The following CCDC62 variants were observed in gnomAD, a reference collection of about 807,000 sequenced individuals.
The protein encoded by CCDC62 is coiled-coil domain-containing protein 62.
Under a neutral mutation model 80.8 loss-of-function variants are expected in CCDC62, and 72 were observed. That is an observed-to-expected ratio of 0.89 (90% CI 0.74 to 1.08). The LOEUF is 1.08. Among genes scored for constraint, CCDC62 ranks in the 50% least tolerant of loss-of-function variants. The pLI, the probability that CCDC62 is intolerant of heterozygous loss-of-function variation, is 0.00. For missense variants in CCDC62, 704 were observed against 809.4 expected (o/e 0.87, Z 1.58); for synonymous variants, 286 against 296.5 (o/e 0.96, Z 0.36).
rs143639403 is a variant in CCDC62, at chr12:122,817,311, C to T, written c.2001+3892C>T. Among the ~76,000 whole-genome samples, 965 of 151,642 alleles carry T rather than the reference C, an allele frequency of 6.4e-3. 14 individuals are homozygous for T. Among genetic ancestry groups the T allele is most frequent in the African/African-American group, 0.022 (916 of 41,282 alleles). On this transcript the variant is annotated intron_variant, in intron 11 of 12. Transcript: ENST00000253079. Reference sequence around the variant, plus strand: ...TCCTGACCTTGTGATCCACCCGCCTCGGCCTCCCAAAGTGCTGGGATTACA... The same window carrying T: ...TCCTGACCTTGTGATCCACCCGCCTTGGCCTCCCAAAGTGCTGGGATTACA...
rs1298796695 is a variant in CCDC62, at chr12:122,774,681, C to T, written c.11C>T (p.Pro4Leu). MNP[P>L]AAFLAGRQNI... The stretch of plus-strand genomic sequence containing the variant: ...GCGGAGGAAACACCTATGAACCCTC[C>T]GGCAGCCTTCCTTGCCGGGCGCCAG... Residue 4 changes from proline (P) to leucine (L), a missense_variant, in exon 1 of 13, where the codon CCG becomes CTG. Physicochemically the swap from Pro to Leu is moderately conservative, Grantham distance 98. Transcript: ENST00000253079. 4 of 1,256,066 alleles carry T rather than the reference C, an allele frequency of 3.2e-6. No homozygotes were observed. The highest frequency in any genetic ancestry group is 4.0e-6 in the Non-Finnish European group (4 of 991,426). The allele number at this position is 1,256,066 out of a possible 1,614,324, so 77.8% of individuals were successfully genotyped here.
In CCDC62 at chr12:122,806,164, A is replaced by G; in HGVS notation, c.1720A>G (p.Ile574Val). 4 of 1,612,510 alleles carry G rather than the reference A, an allele frequency of 2.5e-6. No individual in the cohort carries two copies. Among genetic ancestry groups the G allele is most frequent in the Non-Finnish European group, 3.4e-6 (4 of 1,179,302 alleles). The change falls in exon 10 of 13, where the codon ATC (isoleucine) becomes GTC (valine). Residue 574 changes from isoleucine to valine, a missense_variant. Coordinates refer to ENST00000253079, the MANE Select transcript of CCDC62 (RefSeq NM_201435.5). ...HDSPASELIA[I>V]QDSHSLGSSK... is the part of the protein sequence containing the mutation. ...TCTTATTCTTAGTGAGCTAATTGCCATCCAAGATTCCCACTCTTTGGGTTC... is the reference window on the plus strand; with the variant it reads ...TCTTATTCTTAGTGAGCTAATTGCCGTCCAAGATTCCCACTCTTTGGGTTC...
chr12:122,790,289 T>C (rs554673033), intron 5 of CCDC62, among the ~76,000 whole-genome samples: 1 of 152,072 alleles, frequency 6.6e-6, no homozygotes, highest in Non-Finnish European at 1.5e-5. Context: ...GAGCTTGTGA[T>C]CCACCTGCCT....
At chr12:122,777,743 C>A in intron 2 of CCDC62, 60 bp downstream of exon 2, 2 of 1,468,300 alleles carry the variant, frequency 1.4e-6, no homozygotes, top group South Asian at 1.2e-5. Flanking sequence ...CATTGATGGG[C>A]TCATAGGGAA....
intron 1 of CCDC62, chr12:122,776,780 CAG>C (rs745783085): frequency 1.6e-4 from 24 of 146,964 alleles, no homozygotes; most frequent in Admixed American, 1.6e-3. Flanking sequence ...TACATTTAAA[CAG>C]TAACTATTTC....
chr12:122,817,547 C>T lies in CCDC62; in HGVS notation c.2001+4128C>T, dbSNP rs192854299. ...CCATGTTGGCCAGGCTGGTCTCAAA[C>T]TCCTGACCTCAAGTGATCCTCCCAA... On this transcript the variant is annotated intron_variant, in intron 11 of 12. Coordinates refer to ENST00000253079, the MANE Select transcript of CCDC62 (RefSeq NM_201435.5). Among the ~76,000 whole-genome samples, 167 of 151,568 alleles carry T rather than the reference C, an allele frequency of 1.1e-3. 1 individual carries two copies. Among genetic ancestry groups the T allele is most frequent in the African/African-American group, 3.7e-3 (151 of 41,302 alleles).
In CCDC62 at chr12:122,787,208, GA is replaced by G. The variant is rs879750675; in HGVS notation, c.498+1390del. On this transcript the variant is annotated intron_variant, in intron 4 of 12. Coordinates refer to ENST00000253079, the MANE Select transcript of CCDC62 (RefSeq NM_201435.5). ...CATGCCTATAATCCCAGCACTTTGG[GA>G]AGCTGAGGTGGGTGGATCGCTTGAG... Among the ~76,000 whole-genome samples the G allele has an allele frequency of 6.4e-4, 97 of 152,318 alleles. No homozygotes were observed. The Middle Eastern group carries it at 0.01, about 16-fold the overall frequency.
chr12:122,812,789 A>C (rs867268483), intron 10 of CCDC62, among the ~76,000 whole-genome samples: 1 of 125,222 alleles, frequency 8.0e-6, no homozygotes, highest in African/African-American at 3.9e-5. Context: ...GAAAGAAAGA[A>C]AGAAAGAAAG....
intron 10 of CCDC62, 112 bp downstream of exon 10, chr12:122,806,407 T>A: frequency 3.1e-5 from 2 of 63,534 alleles, no homozygotes; most frequent in East Asian, 1.7e-3. Context: ...TTCCTCCGTT[T>A]TTTTTTTTTT....
At chr12:122,796,896 T>TTTA (rs1566077137) in intron 6 of CCDC62, among the ~76,000 whole-genome samples, 1 of 140,130 alleles carries the variant, frequency 7.1e-6, no homozygotes, top group African/African-American at 2.8e-5. Flanking sequence ...TTTTTTTTTT[T>TTTA]AAGACAAAGT....
At chr12:122,774,919 CT>C (rs1378415707) in intron 1 of CCDC62, among the ~76,000 whole-genome samples, 1 of 150,304 alleles carries the variant, frequency 6.7e-6, no homozygotes, top group African/African-American at 2.4e-5. Context: ...GAAACCCCGT[CT>C]CTACTAAAAA....
At chr12:122,797,058 AG>A (rs1456868196) in intron 6 of CCDC62, among the ~76,000 whole-genome samples, 1 of 151,842 alleles carries the variant, frequency 6.6e-6, no homozygotes, top group Non-Finnish European at 1.5e-5. Context: ...TTGTATTTTT[AG>A]TAGAAATGGG....
At chr12:122,788,688 T>G (rs1566072410) in intron 4 of CCDC62, 70 bp from the exon 5 acceptor site, 1 of 948,972 alleles carries the variant, frequency 1.1e-6, no homozygotes, top group Non-Finnish European at 1.6e-6. Context: ...AAGATCTTAG[T>G]GTTATCTTTT....
Position 122,813,286 on chromosome 12 carries a change from C to A in CCDC62, c.1868C>A (p.Pro623His), listed in dbSNP as rs1411490167. The A allele has an allele frequency of 6.2e-7, 1 of 1,610,838 alleles. No homozygotes were observed. Among genetic ancestry groups the A allele is most frequent in the East Asian group, 2.2e-5 (1 of 44,750 alleles). ...AFNEKASIVL[P>H]SQDDFSPTSK... is the part of the protein sequence containing the mutation. ...TTCCTGTAGGCTTCAATTGTGTTAC[C>A]CTCCCAGGATGATTTCTCGCCCACG... The change falls in exon 11 of 13, where the codon CCC (proline) becomes CAC (histidine). Residue 623 changes from proline (P) to histidine (H), a missense_variant. By Grantham distance (77) the Pro-to-His change is moderately conservative. Transcript: ENST00000253079.
chr12:122,777,323 T>C, intron 1 of CCDC62, 168 bp from the exon 2 acceptor site: 1 of 588,774 alleles, frequency 1.7e-6, no homozygotes, highest in Non-Finnish European at 3.0e-6. Flanking sequence ...AGATTTTAAC[T>C]TGAACATGTT....
Position 122,801,429 on chromosome 12 carries a change from G to A in CCDC62, c.1283G>A (p.Cys428Tyr). Reference sequence around the variant, plus strand: ...GAACCCGAAAACAAAATTACATTGTGCAAGATCCACACAAAATCACCAAAA... The same window carrying A: ...GAACCCGAAAACAAAATTACATTGTACAAGATCCACACAAAATCACCAAAA... Reference protein sequence around the residue: ...QIEPENKITLCKIHTKSPKCH... With the variant: ...QIEPENKITLYKIHTKSPKCH... Residue 428 changes from cysteine to tyrosine, a missense_variant, in exon 9 of 13, where the codon TGC (cysteine) becomes TAC (tyrosine). Coordinates refer to ENST00000253079, the MANE Select transcript of CCDC62 (RefSeq NM_201435.5). 2 of 1,613,770 alleles carry A rather than the reference G, an allele frequency of 1.2e-6. No individual in the cohort carries two copies. The highest frequency in any genetic ancestry group is 1.3e-5 in the African/African-American group (1 of 74,890).
At chr12:122,806,029 C>T (rs2031577675) in intron 9 of CCDC62, 122 bp from the exon 10 acceptor site, 1 of 815,504 alleles carries the variant, frequency 1.2e-6, no homozygotes, top group Non-Finnish European at 1.9e-6. Context: ...TCTACTCAAA[C>T]TTGACCTGCT....
At chr12:122,810,999 A>G (rs1247164140) in intron 10 of CCDC62, among the ~76,000 whole-genome samples, 5 of 133,292 alleles carry the variant, frequency 3.8e-5, no homozygotes, top group African/African-American at 1.4e-4. Flanking sequence ...GAAGGGGGAC[A>G]TCACACACTG....
At chr12:122,820,060 T>TAAAA (rs2032334841) in intron 11 of CCDC62, among the ~76,000 whole-genome samples, 1 of 1,422 alleles carries the variant, frequency 7.0e-4, no homozygotes. Context: ...AGATCCTGTC[T>TAAAA]CAAAAAAAAA....
Sources: gnomAD v4.1 joint callset for allele counts (sites outside exome capture counted in the v4.1 genomes callset) on GRCh38, gnomAD v4.1.1 for gene constraint, MANE v1.5 for transcripts, NCBI Gene and HGNC (gene_info 2026-07-23, HGNC 2026-07-21) for gene names.